Variants in MMEL1 observed in about 807,000 individuals in gnomAD.
The protein encoded by MMEL1 is membrane metallo-endopeptidase-like 1.
Under a neutral mutation model 117.1 loss-of-function variants are expected in MMEL1, and 98 were observed. The observed-to-expected ratio is 0.84, with a 90% CI of 0.71 to 0.99. The LOEUF (loss-of-function observed/expected upper bound fraction) is 0.99, where lower values mean the gene tolerates loss of function less well. MMEL1 is among the 50% of genes least tolerant of loss of function. The pLI is 0.00. For synonymous variants in MMEL1, 390 were observed against 415.1 expected (o/e 0.94, Z 0.74); for missense variants, 1,014 against 1,049.1 (o/e 0.97, Z 0.46).
chr1:2,609,934 G>A (rs1645100735), intron 4 of MMEL1, 103 bp from the exon 5 acceptor site: 4 of 1,318,586 alleles, frequency 3.0e-6, no homozygotes, highest in Non-Finnish European at 3.1e-6. Flanking sequence ...GGTCCCTTGG[G>A]AAGGGGCTGC....
chr1:2,591,045 A>G lies in MMEL1; in HGVS notation c.2285T>C (p.Phe762Ser). Residue 762 changes from phenylalanine to serine, a missense_variant, in exon 24 of 24, where the codon TTC becomes TCC. Physicochemically the swap from Phe to Ser is radical, Grantham distance 155. Transcript: ENST00000378412. ...CATGGGGGTGCCCCGGGCACAGTGG[A>G]ACGTGTCTGCGAAGGCGGCCAGGTT... ...LQNLAAFADTFHCARGTPMHP... is the reference protein window; with the variant it reads ...LQNLAAFADTSHCARGTPMHP... 6.2e-7 allele frequency: 1 copy of G among 1,606,686 alleles called. No individual in the cohort carries two copies. The highest frequency in any genetic ancestry group is 8.5e-7 in the Non-Finnish European group (1 of 1,177,306).
chr1:2,604,198 C>A lies in MMEL1; in HGVS notation c.900G>T (p.Leu300=). 6.2e-7 allele frequency: 1 copy of A among 1,612,826 alleles called. No homozygotes were observed. Among genetic ancestry groups the A allele is most frequent in the East Asian group, 2.2e-5 (1 of 44,874 alleles). The change falls in exon 10 of 24, where the codon CTG becomes CTT. Residue 300 remains leucine (L), a synonymous_variant. Coordinates refer to ENST00000378412, the MANE Select transcript of MMEL1 (RefSeq NM_033467.4). The part of the protein sequence containing the change: ...EDANLPRDSC[L]VQEDMVQVLE... ...GCACCTGCACCATGTCCTCCTGCAC[C>A]AGGCAGCTGTCCCTGGGCAGGTTTG...
intron 17 of MMEL1, among the ~76,000 whole-genome samples, 154 bp downstream of exon 17, chr1:2,594,636 G>T (rs1259613465): frequency 6.6e-6 from 1 of 152,216 alleles, no homozygotes; most frequent in Non-Finnish European, 1.5e-5. Flanking sequence ...GGGTGATGGG[G>T]GACTCTGTCC....
intron 2 of MMEL1, among the ~76,000 whole-genome samples, chr1:2,628,183 C>T (rs1321178314): frequency 6.6e-6 from 1 of 152,222 alleles, no homozygotes; most frequent in East Asian, 1.9e-4. Context: ...CACTGCCCAC[C>T]GCCCATGGAG....
chr1:2,608,861 A>G (rs1645076462), intron 6 of MMEL1, among the ~76,000 whole-genome samples: 1 of 152,174 alleles, frequency 6.6e-6, no homozygotes, highest in Admixed American at 6.5e-5. Flanking sequence ...ACCCACATGT[A>G]CACATGCACA....
At chr1:2,611,528 G>A in intron 3 of MMEL1, 188 bp from the exon 4 acceptor site, 2 of 519,866 alleles carry the variant, frequency 3.8e-6, no homozygotes, top group East Asian at 6.7e-5. Flanking sequence ...GGTAACCAAA[G>A]CATAGTCTGG....
chr1:2,620,966 G>C (rs1645280670), intron 2 of MMEL1, among the ~76,000 whole-genome samples: 1 of 152,150 alleles, frequency 6.6e-6, no homozygotes, highest in Non-Finnish European at 1.5e-5. Flanking sequence ...TTGGAATTCA[G>C]GCACAGCTGA....
At chr1:2,592,267 C>T (rs867435) in intron 21 of MMEL1, among the ~76,000 whole-genome samples, 21,945 of 95,038 alleles carry the variant, frequency 0.23, 1,608 homozygotes, top group African/African-American at 0.37. Flanking sequence ...CCACCTGTCC[C>T]GAATGAGCCC....
At chr1:2,630,694 C>T (rs1292422036) in intron 1 of MMEL1, among the ~76,000 whole-genome samples, 1 of 144,566 alleles carries the variant, frequency 6.9e-6, no homozygotes, top group Non-Finnish European at 1.5e-5. Context: ...TGCGTGTACA[C>T]TCGTGTGTGC....
At position 2,595,005 on chromosome 1, in the gene MMEL1, C is replaced by T. The variant is rs1570650576; in HGVS notation, c.1585-112G>A. On this transcript the variant is annotated intron_variant, in intron 16 of 23. Transcript: ENST00000378412. This position sits in a 1 kb window ranked among gnomAD's most constrained non-coding sequence, Gnocchi z 4.8. ...CCTCAAGCCTTGCCAGGCGTCCGCA[C>T]GTGGACAGTCGGCTGTGGGTGCAGG... The T allele has an allele frequency of 1.2e-5, 10 of 867,708 alleles. No homozygotes were observed. The highest frequency in any genetic ancestry group is 4.8e-5 in the Admixed American group (2 of 41,828). 53.8% of individuals were successfully genotyped at this position (867,708 alleles called of 1,614,324 possible). A position where few individuals can be genotyped will look rare whatever the true frequency, so the allele number is the denominator to read the frequency against.
intron 14 of MMEL1, 94 bp downstream of exon 14, chr1:2,596,467 C>T: frequency 2.0e-6 from 3 of 1,524,730 alleles, no homozygotes; most frequent in Middle Eastern, 2.0e-4. Flanking sequence ...GCAGGTGCCC[C>T]TGAGCCTGGG....
At chr1:2,608,561 A>G (rs1158761272) in intron 6 of MMEL1, among the ~76,000 whole-genome samples, 1 of 152,000 alleles carries the variant, frequency 6.6e-6, no homozygotes, top group Non-Finnish European at 1.5e-5. Flanking sequence ...ACATATACAC[A>G]TGTACACAAG....
Position 2,605,628 on chromosome 1 carries a change from A to C in MMEL1, c.751-5T>G. The stretch of plus-strand genomic sequence containing the variant: ...GCCCAAGGTGGGCTGGTCTATCTGG[A>C]AATACAGAAGGTGTGACCCTGGGCA... On this transcript the variant is annotated splice_region_variant and splice_polypyrimidine_tract_variant and intron_variant, in intron 8 of 23. Coordinates refer to ENST00000378412, the MANE Select transcript of MMEL1 (RefSeq NM_033467.4). 1 of 1,611,912 alleles carries C rather than the reference A, an allele frequency of 6.2e-7. No individual in the cohort carries two copies. The highest frequency in any genetic ancestry group is 8.5e-7 in the Non-Finnish European group (1 of 1,178,756).
chr1:2,595,415 CG>C lies in MMEL1; in HGVS notation c.1501-57del. ...TGCCCCACTGCGGATGGAGTCAGCC[CG>C]GGGGCCGGTCAGTGAGTGCCACACT... is the stretch of plus-strand genomic sequence containing the variant. On this transcript the variant is annotated intron_variant, in intron 15 of 23. Transcript: ENST00000378412. This position sits in a 1 kb window ranked among gnomAD's most constrained non-coding sequence, Gnocchi z 4.8. 2.6e-6 allele frequency: 4 copies of C among 1,516,532 alleles called. No individual in the cohort carries two copies. Among genetic ancestry groups the C allele is most frequent in the Non-Finnish European group, 3.7e-6 (4 of 1,093,110 alleles). The allele number at this position is 1,516,532 out of a possible 1,614,324, so 93.9% of individuals were successfully genotyped here. A position where few individuals can be genotyped will look rare whatever the true frequency, so the allele number is the denominator to read the frequency against.
chr1:2,623,066 G>A (rs1381283018), intron 2 of MMEL1, among the ~76,000 whole-genome samples: 2 of 151,890 alleles, frequency 1.3e-5, no homozygotes, highest in African/African-American at 4.8e-5. Context: ...CTACTCAGGA[G>A]GCTGAGGCAG....
intron 2 of MMEL1, among the ~76,000 whole-genome samples, chr1:2,620,433 G>T: frequency 6.6e-6 from 1 of 152,200 alleles, no homozygotes; most frequent in East Asian, 1.9e-4. Flanking sequence ...CCCCAAACTT[G>T]TCTGATCACA....
intron 2 of MMEL1, among the ~76,000 whole-genome samples, chr1:2,621,581 T>TG (rs947605055): frequency 2.6e-5 from 4 of 151,904 alleles, no homozygotes; most frequent in East Asian, 1.9e-4. Flanking sequence ...CATTTTTTTT[T>TG]TTTTGTTTTG....
chr1:2,607,116 C>T lies in MMEL1; in HGVS notation c.536-47G>A, dbSNP rs368350143. On this transcript the variant is annotated intron_variant, in intron 6 of 23. Coordinates refer to ENST00000378412, the MANE Select transcript of MMEL1 (RefSeq NM_033467.4). ...ACTCTCCCAGCCTCCCTGTGGCTCA[C>T]GTGCCACGACACAGAACTGTGGGGG... is the stretch of plus-strand genomic sequence containing the variant. 3.5e-5 allele frequency: 54 copies of T among 1,522,658 alleles called. No homozygotes were observed. In the African/African-American group the frequency reaches 4.1e-4, roughly 12 times the overall value. The allele number at this position is 1,522,658 out of a possible 1,614,324, so 94.3% of individuals were successfully genotyped here. A position where few individuals can be genotyped will look rare whatever the true frequency, so the allele number is the denominator to read the frequency against.
In MMEL1 at chr1:2,606,977, C is replaced by T. The variant is rs374379604; in HGVS notation, c.628G>A (p.Val210Ile). The T allele has an allele frequency of 2.7e-5, 44 of 1,612,054 alleles. No individual in the cohort carries two copies. Among genetic ancestry groups the T allele is most frequent in the East Asian group, 6.7e-5 (3 of 44,880 alleles). Residue 210 changes from valine (V) to isoleucine (I), a missense_variant, in exon 7 of 24, where the codon GTA (valine) becomes ATA (isoleucine). By Grantham distance (29) the Val-to-Ile change is conservative. Transcript: ENST00000378412. ...CTGCTGCCAGGCCCGGCCTTACCTA[C>T]GGTCTCGTTCCACCTGTCCATCGCC... ...PVAMDRWNETVGLEWELERQL... is the reference protein window; with the variant it reads ...PVAMDRWNETIGLEWELERQL...
Sources: allele counts gnomAD v4.1 joint callset (sites outside exome capture counted in the v4.1 genomes callset), GRCh38; gene constraint gnomAD v4.1.1; non-coding constraint Gnocchi (gnomAD v3.1); transcripts MANE v1.5; gene names NCBI Gene and HGNC (gene_info 2026-07-23, HGNC 2026-07-21).